Variants in CUX2 observed in about 807,000 individuals in gnomAD.
CUX2 encodes cut like homeobox 2.
CUX2 carries 40 observed loss-of-function variants against 144.8 expected under a neutral mutation model. The observed-to-expected ratio is 0.28, with a 90% CI of 0.21 to 0.36. The LOEUF is 0.36. Among genes scored for constraint, CUX2 ranks in the 10% least tolerant of loss-of-function variants. The probability of loss-of-function intolerance (pLI) is 1.00; values close to 1 mark genes in which losing one functional copy is unlikely to be tolerated. For missense variants in CUX2, 1,615 were observed against 1,994.0 expected (o/e 0.81, Z 3.62); for synonymous variants, 827 against 875.6 (o/e 0.94, Z 0.98).
intron 1 of CUX2, among the ~76,000 whole-genome samples, chr12:111,119,554 C>T (rs748422874): frequency 6.6e-6 from 1 of 152,156 alleles, no homozygotes; most frequent in Non-Finnish European, 1.5e-5. Context: ...CCCTCTGGCC[C>T]CCCAGATTCT....
chr12:111,136,810 C>T (rs780556525), intron 1 of CUX2, among the ~76,000 whole-genome samples: 17 of 152,188 alleles, frequency 1.1e-4, no homozygotes, highest in Admixed American at 6.5e-5. Flanking sequence ...CCTTCCAGGA[C>T]TGGAAAGGTC....
At chr12:111,285,316 G>C (rs967627990) in intron 4 of CUX2, among the ~76,000 whole-genome samples, 1 of 152,168 alleles carries the variant, frequency 6.6e-6, no homozygotes, top group South Asian at 2.1e-4. Flanking sequence ...GCAGTGAGTA[G>C]CTGGGCCGGC....
At chr12:111,344,038 G>T (rs1888691515) in intron 21 of CUX2, among the ~76,000 whole-genome samples, 1 of 152,214 alleles carries the variant, frequency 6.6e-6, no homozygotes, top group Admixed American at 6.5e-5. Flanking sequence ...GGGTGACAGA[G>T]TGAGACTCTG....
At chr12:111,198,989 A>G (rs1880408508) in intron 1 of CUX2, among the ~76,000 whole-genome samples, 2 of 152,224 alleles carry the variant, frequency 1.3e-5, no homozygotes, top group Admixed American at 6.5e-5. Context: ...AGCCAAGGAA[A>G]GAGAAGAGAT....
At chr12:111,051,869 GT>G (rs372450358) in intron 1 of CUX2, among the ~76,000 whole-genome samples, 1,817 of 147,762 alleles carry the variant, frequency 0.012, 36 homozygotes, top group African/African-American at 0.043. Flanking sequence ...AATTAGTGAG[GT>G]TTTTTTTTTA....
At chr12:111,155,310 TG>T (rs1477431395) in intron 1 of CUX2, among the ~76,000 whole-genome samples, 2 of 151,998 alleles carry the variant, frequency 1.3e-5, no homozygotes, top group Non-Finnish European at 2.9e-5. Context: ...AATGAATGAA[TG>T]GAAAAAAAGA....
chr12:111,056,078 C>T (rs932432222), intron 1 of CUX2, among the ~76,000 whole-genome samples: 7 of 152,300 alleles, frequency 4.6e-5, no homozygotes, highest in South Asian at 2.1e-4. Context: ...AGGCAAAAGG[C>T]GGAGGCCAAT....
intron 1 of CUX2, among the ~76,000 whole-genome samples, chr12:111,102,704 A>G (rs1873332083): frequency 6.6e-6 from 1 of 152,178 alleles, no homozygotes; most frequent in Non-Finnish European, 1.5e-5. Flanking sequence ...GAGTCTTCCA[A>G]ATCTGTGTAG....
At chr12:111,067,301 T>G (rs1483149568) in intron 1 of CUX2, among the ~76,000 whole-genome samples, 1 of 152,170 alleles carries the variant, frequency 6.6e-6, no homozygotes, top group Non-Finnish European at 1.5e-5. Context: ...ACTTTTCAGC[T>G]GGAGCAGGTC....
chr12:111,234,467 A>T (rs982374176), intron 3 of CUX2, among the ~76,000 whole-genome samples: 1 of 151,860 alleles, frequency 6.6e-6, no homozygotes, highest in Admixed American at 6.6e-5. Context: ...AGGTCCACTT[A>T]AAAAAAAGCC....
rs1216971240 is a variant in CUX2 at position 111,059,859 on chromosome 12, C to G, written c.63+25619C>G. Among the ~76,000 whole-genome samples the G allele has an allele frequency of 6.6e-6, 1 of 152,138 alleles. No individual in the cohort carries two copies. The highest frequency in any genetic ancestry group is 2.4e-5 in the African/African-American group (1 of 41,422). ...TTCTCCCCAGCTTACCCCTACCAGA[C>G]TTAAGCCTGACTTCTGGGGAAGCCC... On this transcript the variant is annotated intron_variant, in intron 1 of 21. Coordinates refer to ENST00000261726, the MANE Select transcript of CUX2 (RefSeq NM_015267.4). This position sits in a 1 kb window ranked among gnomAD's most constrained non-coding sequence, Gnocchi z 5.3.
rs1338624704 is a variant in CUX2, at chr12:111,308,331, C to A, written c.1156C>A (p.Gln386Lys). 6.2e-7 allele frequency: 1 copy of A among 1,614,192 alleles called. No individual in the cohort carries two copies. The highest frequency in any genetic ancestry group is 2.2e-5 in the East Asian group (1 of 44,880). Residue 386 changes from glutamine (Q) to lysine (K), a missense_variant and splice_region_variant, in exon 13 of 22, where the codon CAG becomes AAG. Physicochemically the swap from Gln to Lys is moderately conservative, Grantham distance 53 (BLOSUM62 1). Around this residue, in one of 12 missense-constraint regions of CUX2, gnomAD observed 57 missense variants for 60.8 expected, o/e 0.94. Coordinates refer to ENST00000261726, the MANE Select transcript of CUX2 (RefSeq NM_015267.4). ...GGCCTCCAGCACCTGCAGCCTCCCC[C>A]AGGTAAGTGTCCCTGCCACCATCCC... ...KLASSTCSLP[Q>K]GMAKPEDSLL...
chr12:111,062,081 T>C (rs954642880), intron 1 of CUX2, among the ~76,000 whole-genome samples: 1 of 152,244 alleles, frequency 6.6e-6, no homozygotes, highest in African/African-American at 2.4e-5. Context: ...GCCCAATCCA[T>C]GTTAGCACTT....
At position 111,348,443 on chromosome 12, in the gene CUX2, A is replaced by G. The variant is rs905716913; in HGVS notation, c.*118A>G. ...CTCAACCATCAAAATGTGGACAGCA[A>G]TGTTATGCCGTTTACGTTTTTTGTT... is the stretch of plus-strand genomic sequence containing the variant. On this transcript the variant is annotated 3_prime_UTR_variant, in exon 22 of 22. Coordinates refer to ENST00000261726, the MANE Select transcript of CUX2 (RefSeq NM_015267.4). 4.1e-5 allele frequency: 40 copies of G among 974,048 alleles called. No individual in the cohort carries two copies. The African/African-American group carries it at 4.4e-4, about 11-fold the overall frequency. The allele number at this position is 974,048 out of a possible 1,614,324, so 60.3% of individuals were successfully genotyped here.
At position 111,232,777 on chromosome 12, in the gene CUX2, A is replaced by G. The variant is rs866231590; in HGVS notation, c.222+14840A>G. ...GGAATGGGAGAAATTTAATCACCTT[A>G]TTCATTCACATATTCATTCATTCAT... On this transcript the variant is annotated intron_variant, in intron 3 of 21. Transcript: ENST00000261726. Among the ~76,000 whole-genome samples the G allele has an allele frequency of 5.3e-5, 8 of 152,294 alleles. No individual in the cohort carries two copies. The South Asian group carries it at 1.0e-3, about 20-fold the overall frequency.
At position 111,178,699 on chromosome 12, in the gene CUX2, C is replaced by T. The variant is rs1454967402; in HGVS notation, c.64-35501C>T. Among the ~76,000 whole-genome samples the T allele has an allele frequency of 6.6e-6, 1 of 152,118 alleles. No homozygotes were observed. The highest frequency in any genetic ancestry group is 1.5e-5 in the Non-Finnish European group (1 of 68,020). ...GGCTGGGTACACAGGTGAACAAGAC[C>T]GAGTCAGGGTTTAATGAGGGAGATG... On this transcript the variant is annotated intron_variant, in intron 1 of 21. Transcript: ENST00000261726. The surrounding 1 kb of genome is among the most constrained non-coding windows in gnomAD (Gnocchi z 5.7).
chr12:111,185,475 G>C (rs534575367), intron 1 of CUX2, among the ~76,000 whole-genome samples: 1 of 152,222 alleles, frequency 6.6e-6, no homozygotes, highest in African/African-American at 2.4e-5. Context: ...CGGCGTAATC[G>C]TGTACTGAAA....
intron 1 of CUX2, among the ~76,000 whole-genome samples, chr12:111,084,881 G>T (rs1272049331): frequency 2.0e-5 from 3 of 152,112 alleles, no homozygotes; most frequent in Non-Finnish European, 4.4e-5. Flanking sequence ...CGGGGTGCAG[G>T]GGATTGGAGG....
At chr12:111,249,428 TA>T in intron 3 of CUX2, among the ~76,000 whole-genome samples, 1 of 143,466 alleles carries the variant, frequency 7.0e-6, no homozygotes, top group East Asian at 2.0e-4. Flanking sequence ...TTTTTTAAAT[TA>T]ATAGACCCTT....
Sources: allele counts gnomAD v4.1 joint callset (sites outside exome capture counted in the v4.1 genomes callset), GRCh38; gene constraint gnomAD v4.1.1; regional missense constraint gnomAD v4.1.1; non-coding constraint Gnocchi (gnomAD v3.1); transcripts MANE v1.5; gene names NCBI Gene and HGNC (gene_info 2026-07-23, HGNC 2026-07-21).